The following LRP1 variants were observed in gnomAD, a reference collection of about 807,000 sequenced individuals.
LRP1 encodes the protein prolow-density lipoprotein receptor-related protein 1.
In LRP1, 51 loss-of-function variants were observed where a neutral mutation model predicts 541.5. The observed-to-expected ratio is 0.09, with a 90% confidence interval of 0.08 to 0.12. The LOEUF (loss-of-function observed/expected upper bound fraction) is 0.12. LRP1 is among the 10% of genes least tolerant of loss of function. The probability of loss-of-function intolerance (pLI) is 1.00; values close to 1 mark genes in which losing one functional copy is unlikely to be tolerated. For synonymous variants in LRP1, 2,219 were observed against 2,470.8 expected (o/e 0.90, Z 3.02); for missense variants, 3,878 against 6,376.2 (o/e 0.61, Z 13.34).
chr12:57,152,540 A>G (rs1334660443), intron 6 of LRP1, among the ~76,000 whole-genome samples: 1 of 152,126 alleles, frequency 6.6e-6, no homozygotes, highest in Non-Finnish European at 1.5e-5. Flanking sequence ...CTGTGGTTAC[A>G]GCGTGTGGGG....
intron 6 of LRP1, chr12:57,149,320 C>A (rs185571119): frequency 6.3e-5 from 28 of 444,206 alleles, no homozygotes; most frequent in African/African-American, 5.2e-4. Context: ...CATTCCTGTT[C>A]TGAGTTTCCT....
In LRP1 at chr12:57,158,351, G is replaced by A; in HGVS notation, c.1562-51G>A. On this transcript the variant is annotated intron_variant, in intron 10 of 88. Coordinates refer to ENST00000243077, the MANE Select transcript of LRP1 (RefSeq NM_002332.3). This position sits in a 1 kb window ranked among gnomAD's most constrained non-coding sequence, Gnocchi z 5.3. ...CCCTTGGCCGCAGCCCCTGGGTGGGGATGATGGTCATGTGTGTGTCTGACT... is the reference window on the plus strand; with the variant it reads ...CCCTTGGCCGCAGCCCCTGGGTGGGAATGATGGTCATGTGTGTGTCTGACT... The A allele has an allele frequency of 2.1e-6, 3 of 1,462,228 alleles. No individual in the cohort carries two copies. In the South Asian group the frequency reaches 3.8e-5, roughly 18 times the overall value. 90.6% of individuals were successfully genotyped at this position (1,462,228 alleles called of 1,614,324 possible).
chr12:57,203,865 CCCTG>C, intron 70 of LRP1: 1 of 287,336 alleles, frequency 3.5e-6, no homozygotes, highest in Non-Finnish European at 6.4e-6. Context: ...AGAAGAAAAG[CCCTG>C]CCTATTTTCC....
chr12:57,191,649 C>T, intron 44 of LRP1, 137 bp downstream of exon 44: 1 of 691,130 alleles, frequency 1.4e-6, no homozygotes, highest in South Asian at 1.9e-5. Flanking sequence ...ACATACTACA[C>T]TACACACACC....
intron 6 of LRP1, among the ~76,000 whole-genome samples, chr12:57,151,288 G>A (rs1422688918): frequency 6.6e-6 from 1 of 152,124 alleles, no homozygotes; most frequent in African/African-American, 2.4e-5. Flanking sequence ...GGTCTATTCT[G>A]GGGCCTGGAA....
At chr12:57,188,959 C>G (rs1045667918) in intron 42 of LRP1, among the ~76,000 whole-genome samples, 2 of 152,170 alleles carry the variant, frequency 1.3e-5, no homozygotes, top group African/African-American at 2.4e-5. Flanking sequence ...GGAGCAGGCA[C>G]TTTCGGGGAA....
At position 57,143,897 on chromosome 12, in the gene LRP1, A is replaced by G. The variant is rs1401009756; in HGVS notation, c.448+99A>G. ...AGGGGTAGGGGGCCTGGCTGGAATA[A>G]GAAACTAGAAGGAAGGTGCAAGAGA... On this transcript the variant is annotated intron_variant, in intron 4 of 88. Coordinates refer to ENST00000243077, the MANE Select transcript of LRP1 (RefSeq NM_002332.3). 8.4e-6 allele frequency: 12 copies of G among 1,426,528 alleles called. No individual in the cohort carries two copies. In the African/African-American group the frequency reaches 1.3e-4, roughly 15 times the overall value. The allele number at this position is 1,426,528 out of a possible 1,614,324, so 88.4% of individuals were successfully genotyped here. A position where few individuals can be genotyped will look rare whatever the true frequency, so the allele number is the denominator to read the frequency against.
chr12:57,202,542 G>GGGGGGGGCCCCC lies in LRP1; in HGVS notation c.10711+5_10711+6insGGGGGGGCCCCC. On this transcript the variant is annotated splice_donor_region_variant and intron_variant, in intron 68 of 88. Coordinates refer to ENST00000243077, the MANE Select transcript of LRP1 (RefSeq NM_002332.3). ...ACTCCGATGAAGAGAGCTGCAGTAC[G>GGGGGGGGCCCCC]TCCCCACCCACCCAGCCCCGCATGA... 3 of 1,563,824 alleles carry GGGGGGGGCCCCC rather than the reference G, an allele frequency of 1.9e-6. No individual in the cohort carries two copies. The highest frequency in any genetic ancestry group is 1.2e-5 in the South Asian group (1 of 85,220).
At chr12:57,152,608 T>C (rs1386188393) in intron 6 of LRP1, among the ~76,000 whole-genome samples, 1 of 152,196 alleles carries the variant, frequency 6.6e-6, no homozygotes, top group East Asian at 1.9e-4. Flanking sequence ...GGCCTTGGCC[T>C]CCTCAAGCTA....
In LRP1 at chr12:57,177,351, C is replaced by A; in HGVS notation, c.4197-76C>A. ...TCAGTGCCATCTGCCTCCTCCCACC[C>A]TCTACCTACGATCCCACCACAGTCG... is the stretch of plus-strand genomic sequence containing the variant. On this transcript the variant is annotated intron_variant, in intron 25 of 88. Transcript: ENST00000243077. The surrounding 1 kb of genome is among the most constrained non-coding windows in gnomAD (Gnocchi z 6.8). The A allele has an allele frequency of 6.4e-7, 1 of 1,559,422 alleles. No homozygotes were observed. The highest frequency in any genetic ancestry group is 8.7e-7 in the Non-Finnish European group (1 of 1,144,222).
Position 57,205,763 on chromosome 12 carries a change from TC to T in LRP1, c.11590+88del, listed in dbSNP as rs2036764721. On this transcript the variant is annotated intron_variant, in intron 75 of 88. Coordinates refer to ENST00000243077, the MANE Select transcript of LRP1 (RefSeq NM_002332.3). This position sits in a 1 kb window ranked among gnomAD's most constrained non-coding sequence, Gnocchi z 4.6. ...GGGGCCGACTTGGAATGGAATGTCTTCCTGCGGACATCTTGCCCAGACAAGA... is the reference window on the plus strand; with the variant it reads ...GGGGCCGACTTGGAATGGAATGTCTTCTGCGGACATCTTGCCCAGACAAGA... 25 of 1,553,132 alleles carry T rather than the reference TC, an allele frequency of 1.6e-5. No homozygotes were observed. The highest frequency in any genetic ancestry group is 2.0e-5 in the Non-Finnish European group (23 of 1,150,080).
intron 6 of LRP1, chr12:57,150,058 T>C (rs2136669197): frequency 2.9e-6 from 1 of 346,492 alleles, no homozygotes; most frequent in African/African-American, 2.1e-5. Flanking sequence ...AATGGATCAA[T>C]ACATGTGTGT....
Position 57,183,275 on chromosome 12 carries a change from G to A in LRP1, c.5663-104G>A. On this transcript the variant is annotated intron_variant, in intron 34 of 88. Transcript: ENST00000243077. This position sits in a 1 kb window ranked among gnomAD's most constrained non-coding sequence, Gnocchi z 6.1. ...GTGGAGGATAGGGATGATGGTGGGG[G>A]GGGATGATATCAAAGGAGAAGCAGA... The A allele has an allele frequency of 8.1e-7, 1 of 1,242,214 alleles. No individual in the cohort carries two copies. The highest frequency in any genetic ancestry group is 1.4e-5 in the South Asian group (1 of 72,888). 76.9% of individuals were successfully genotyped at this position (1,242,214 alleles called of 1,614,324 possible).
intron 1 of LRP1, among the ~76,000 whole-genome samples, chr12:57,133,914 C>A (rs964240757): frequency 3.9e-5 from 6 of 152,054 alleles, no homozygotes; most frequent in African/African-American, 1.4e-4. Flanking sequence ...GGAGAAGACT[C>A]CTTCAGGGTT....
chr12:57,180,586 G>C (rs1380557355), intron 32 of LRP1, 81 bp from the exon 33 acceptor site: 1 of 1,607,630 alleles, frequency 6.2e-7, no homozygotes, highest in South Asian at 1.1e-5. Context: ...GGGCGGGCCT[G>C]ATGACTTAGG....
In LRP1 at chr12:57,173,407, G is replaced by A. The variant is rs1359582895; in HGVS notation, c.3346+57G>A. 5.1e-6 allele frequency: 8 copies of A among 1,557,194 alleles called. No homozygotes were observed. The highest frequency in any genetic ancestry group is 1.7e-5 in the Admixed American group (1 of 58,272). On this transcript the variant is annotated intron_variant, in intron 21 of 88. Transcript: ENST00000243077. The surrounding 1 kb of genome is among the most constrained non-coding windows in gnomAD (Gnocchi z 4.7). ...AGCACAATGTGGGCAGGAGGAGACC[G>A]TGTTGAGAGCAGAGTAGCGGCAAAG... is the stretch of plus-strand genomic sequence containing the variant.
At position 57,202,543 on chromosome 12, in the gene LRP1, T is replaced by TTGGGCCCCCCCCCCCCCCCCC; in HGVS notation, c.10711+6_10711+7insTGGGCCCCCCCCCCCCCCCCC. 6.6e-7 allele frequency: 1 copy of TTGGGCCCCCCCCCCCCCCCCC among 1,523,638 alleles called. No homozygotes were observed. The highest frequency in any genetic ancestry group is 8.9e-7 in the Non-Finnish European group (1 of 1,124,814). The allele number at this position is 1,523,638 out of a possible 1,614,324, so 94.4% of individuals were successfully genotyped here. A position where few individuals can be genotyped will look rare whatever the true frequency, so the allele number is the denominator to read the frequency against. On this transcript the variant is annotated splice_region_variant and intron_variant, in intron 68 of 88. Transcript: ENST00000243077. ...CTCCGATGAAGAGAGCTGCAGTACG[T>TTGGGCCCCCCCCCCCCCCCCC]CCCCACCCACCCAGCCCCGCATGAG... is the stretch of plus-strand genomic sequence containing the variant.
chr12:57,148,692 G>A (rs1215636017), intron 6 of LRP1, among the ~76,000 whole-genome samples: 3 of 152,336 alleles, frequency 2.0e-5, no homozygotes, highest in East Asian at 3.9e-4. Flanking sequence ...GGGTGTGTAT[G>A]GTGAGGGGAG....
Position 57,208,109 on chromosome 12 carries a change from G to T in LRP1, c.11931G>T (p.Ser3977=), listed in dbSNP as rs372849312. ...WVAGNVYWTD[S]GRDVIEVAQM... ...CCGGAAACGTGTACTGGACCGACTC[G>T]GGCCGAGATGTGATTGAGGTGGCGC... The change falls in exon 77 of 89, where the codon TCG becomes TCT. Residue 3977 remains serine (S), a synonymous_variant. Coordinates refer to ENST00000243077, the MANE Select transcript of LRP1 (RefSeq NM_002332.3). 7.4e-6 allele frequency: 12 copies of T among 1,614,076 alleles called. 1 individual carries two copies. In the South Asian group the frequency reaches 1.3e-4, roughly 18 times the overall value.
Sources: gnomAD v4.1 joint callset for allele counts (sites outside exome capture counted in the v4.1 genomes callset) on GRCh38, gnomAD v4.1.1 for gene constraint, Gnocchi (gnomAD v3.1) non-coding constraint, MANE v1.5 for transcripts, NCBI Gene and HGNC (gene_info 2026-07-23, HGNC 2026-07-21) for gene names.